MN1: variants seen among roughly 807,000 people sequenced by gnomAD.
The protein encoded by MN1 is MN1 proto-oncogene, transcriptional regulator.
MN1 carries 19 observed loss-of-function variants against 86.9 expected under a neutral mutation model. That is an observed-to-expected ratio of 0.22 (90% CI 0.15 to 0.32). The LOEUF (loss-of-function observed/expected upper bound fraction) is 0.32, where lower values mean the gene tolerates loss of function less well. Among genes scored for constraint, MN1 ranks in the 10% least tolerant of loss-of-function variants. The pLI is 1.00. For synonymous variants in MN1, 928 were observed against 849.6 expected (o/e 1.09, Z -1.60); for missense variants, 1,841 against 1,862.0 (o/e 0.99, Z 0.21).
chr22:27,778,835 C>A (rs775520542), intron 1 of MN1, among the ~76,000 whole-genome samples: 2 of 152,238 alleles, frequency 1.3e-5, no homozygotes, highest in African/African-American at 2.4e-5. Context: ...AAGCCTCACT[C>A]GGGTAGGACA....
intron 1 of MN1, among the ~76,000 whole-genome samples, chr22:27,779,824 T>G (rs1439939675): frequency 6.6e-6 from 1 of 152,128 alleles, no homozygotes; most frequent in African/African-American, 2.4e-5. Flanking sequence ...GCCTGTGCCT[T>G]CCTGTCGGGG....
In MN1 at chr22:27,799,784, C is replaced by A; in HGVS notation, c.760G>T (p.Gly254Trp). The change falls in exon 1 of 2, where the codon GGG becomes TGG. Residue 254 changes from glycine (G) to tryptophan (W), a missense_variant. Physicochemically the swap from Gly to Trp is radical, Grantham distance 184. Coordinates refer to ENST00000302326, the MANE Select transcript of MN1 (RefSeq NM_002430.3). ...CCCGCTGCATAATGAGGCAGCTGCCCTTCGGAGTCAGAGGGCGAAAACATG... is the reference window on the plus strand; with the variant it reads ...CCCGCTGCATAATGAGGCAGCTGCCATTCGGAGTCAGAGGGCGAAAACATG... ...FDMFSPSDSE[G>W]QLPHYAAGRQ... 6.3e-7 allele frequency: 1 copy of A among 1,593,920 alleles called. No individual in the cohort carries two copies. Among genetic ancestry groups the A allele is most frequent in the Non-Finnish European group, 8.6e-7 (1 of 1,168,946 alleles).
rs756370849 is a variant in MN1, at chr22:27,800,135, C to G, written c.409G>C (p.Gly137Arg). The G allele has an allele frequency of 6.4e-7, 1 of 1,559,250 alleles. No individual in the cohort carries two copies. Among genetic ancestry groups the G allele is most frequent in the Admixed American group, 1.9e-5 (1 of 51,902 alleles). ...CTGCCCAGGCCTCCGGCTGCGCCGCCGTAGCCGAGCAGGCGACCCCCGTGC... is the reference window on the plus strand; with the variant it reads ...CTGCCCAGGCCTCCGGCTGCGCCGCGGTAGCCGAGCAGGCGACCCCCGTGC... ...CLHGGRLLGYGGAAGGLGSQP... is the reference protein window; with the variant it reads ...CLHGGRLLGYRGAAGGLGSQP... The change falls in exon 1 of 2, where the codon GGC becomes CGC. Residue 137 changes from glycine (G) to arginine (R), a missense_variant. Gly to Arg is a moderately radical substitution (Grantham distance 125). Transcript: ENST00000302326.
Position 27,749,424 on chromosome 22 carries a change from T to C in MN1, c.*1491A>G, listed in dbSNP as rs535746042. 2.2e-5 allele frequency: 5 copies of C among 231,590 alleles called. No individual in the cohort carries two copies. Among genetic ancestry groups the C allele is most frequent in the African/African-American group, 1.1e-4 (5 of 45,322 alleles). 14.3% of individuals were successfully genotyped at this position (231,590 alleles called of 1,614,324 possible). A position where few individuals can be genotyped will look rare whatever the true frequency, so the allele number is the denominator to read the frequency against. Reference sequence around the variant, plus strand: ...ATAGATAACCATCACGGTTATATATTTGGGTGAAGTGATATCAGTTACTTC... The same window carrying C: ...ATAGATAACCATCACGGTTATATATCTGGGTGAAGTGATATCAGTTACTTC... On this transcript the variant is annotated 3_prime_UTR_variant, in exon 2 of 2. Coordinates refer to ENST00000302326, the MANE Select transcript of MN1 (RefSeq NM_002430.3).
intron 1 of MN1, among the ~76,000 whole-genome samples, chr22:27,770,530 C>T (rs1409750146): frequency 6.6e-6 from 1 of 152,220 alleles, no homozygotes; most frequent in East Asian, 1.9e-4. Context: ...GGGCCTCAGT[C>T]TCCCTGCAAT....
In MN1 at chr22:27,797,589, G is replaced by C; in HGVS notation, c.2955C>G (p.Ala985=). 1 of 1,598,246 alleles carries C rather than the reference G, an allele frequency of 6.3e-7. No individual in the cohort carries two copies. The highest frequency in any genetic ancestry group is 8.5e-7 in the Non-Finnish European group (1 of 1,171,954). The change falls in exon 1 of 2, where the codon GCC becomes GCG. Residue 985 remains alanine (A), a synonymous_variant. Transcript: ENST00000302326. The part of the protein sequence containing the change: ...SPGQQQASGA[A]VGGSSAGETR... ...TCTCGCCTGCGGAGCTTCCCCCGACGGCTGCGCCTGACGCTTGCTGCTGCC... is the reference window on the plus strand; with the variant it reads ...TCTCGCCTGCGGAGCTTCCCCCGACCGCTGCGCCTGACGCTTGCTGCTGCC...
rs1461337296 is a variant in MN1 at position 27,801,341 on chromosome 22, G to C, written c.-798C>G. 1.4e-5 allele frequency: 3 copies of C among 217,940 alleles called. No individual in the cohort carries two copies. Among genetic ancestry groups the C allele is most frequent in the East Asian group, 6.5e-5 (1 of 15,436 alleles). 13.5% of individuals were successfully genotyped at this position (217,940 alleles called of 1,614,324 possible). The stretch of plus-strand genomic sequence containing the variant: ...GCTCGGCAGCGGGTGCGCTGCGTTC[G>C]GCGCGCAGCTTCGCGGCCACGTCCG... On this transcript the variant is annotated 5_prime_UTR_variant, in exon 1 of 2. Coordinates refer to ENST00000302326, the MANE Select transcript of MN1 (RefSeq NM_002430.3).
intron 1 of MN1, among the ~76,000 whole-genome samples, chr22:27,786,616 G>A (rs932822289): frequency 6.6e-6 from 1 of 152,134 alleles, no homozygotes; most frequent in African/African-American, 2.4e-5. Context: ...AACTCTCAGG[G>A]TCGGAGAACC....
rs1933322079 is a variant in MN1 at position 27,797,488 on chromosome 22, C to T, written c.3056G>A (p.Gly1019Glu). Residue 1019 changes from glycine (G) to glutamate (E), a missense_variant, in exon 1 of 2, where the codon GGG (glycine) becomes GAG (glutamate). Gly to Glu is a moderately conservative substitution (Grantham distance 98, BLOSUM62 -2). Transcript: ENST00000302326. ...SWGKGAELLL[G>E]DQPDLIGSLD... ...GGACCCAATGAGGTCCGGCTGATCCCCCAGGAGCAACTCAGCCCCCTTCCC... is the reference window on the plus strand; with the variant it reads ...GGACCCAATGAGGTCCGGCTGATCCTCCAGGAGCAACTCAGCCCCCTTCCC... The T allele has an allele frequency of 1.2e-6, 2 of 1,600,014 alleles. No individual in the cohort carries two copies. The highest frequency in any genetic ancestry group is 1.3e-5 in the African/African-American group (1 of 74,634).
chr22:27,796,691 C>T (rs1028958516), intron 1 of MN1, 72 bp downstream of exon 1: 4 of 1,462,752 alleles, frequency 2.7e-6, no homozygotes, highest in East Asian at 2.3e-5. Flanking sequence ...CCCCAAAAGG[C>T]GAAGGCTAAG....
chr22:27,766,251 G>A (rs570675617), intron 1 of MN1, among the ~76,000 whole-genome samples: 1 of 152,216 alleles, frequency 6.6e-6, no homozygotes. Context: ...AAATTATCCT[G>A]TGGACTGCTG....
intron 1 of MN1, among the ~76,000 whole-genome samples, chr22:27,770,210 G>C (rs997954029): frequency 1.3e-5 from 2 of 152,224 alleles, no homozygotes; most frequent in Non-Finnish European, 2.9e-5. Context: ...TCAGCCACCA[G>C]GCAGGGCAAA....
intron 1 of MN1, among the ~76,000 whole-genome samples, chr22:27,769,570 T>TTTTTTTTTTTTTTTA (rs1568974122): frequency 1.4e-5 from 2 of 143,354 alleles, no homozygotes; most frequent in South Asian, 2.4e-4. Flanking sequence ...TTTTTTTTTT[T>TTTTTTTTTTTTTTTA]GAGACAGAGT....
chr22:27,798,906 C>CTGCTGT lies in MN1; in HGVS notation c.1632_1637dup (p.Gln549_Gln550dup), dbSNP rs202212250. 6.5e-5 allele frequency: 101 copies of CTGCTGT among 1,555,970 alleles called. No individual in the cohort carries two copies. The highest frequency in any genetic ancestry group is 3.5e-4 in the South Asian group (30 of 85,504). ...CCGCGTTTTGGCGCTGCTGCTGCTG[C>CTGCTGT]TGCTGTTGCTGTTGCTGTTGCTGCT... On this transcript the variant is annotated inframe_insertion, in exon 1 of 2. Transcript: ENST00000302326.
chr22:27,773,305 A>T (rs948289677), intron 1 of MN1, among the ~76,000 whole-genome samples: 1 of 152,190 alleles, frequency 6.6e-6, no homozygotes, highest in African/African-American at 2.4e-5. Flanking sequence ...CAATGAGTTC[A>T]TTTTACCACG....
In MN1 at chr22:27,798,192, G is replaced by T. The variant is rs760839712; in HGVS notation, c.2352C>A (p.Ala784=). 2 of 1,546,376 alleles carry T rather than the reference G, an allele frequency of 1.3e-6. No homozygotes were observed. The highest frequency in any genetic ancestry group is 4.6e-5 in the East Asian group (2 of 43,800). The change falls in exon 1 of 2, where the codon GCC becomes GCA. Residue 784 remains alanine (A), a synonymous_variant. Coordinates refer to ENST00000302326, the MANE Select transcript of MN1 (RefSeq NM_002430.3). ...GCTGGAAATCAGGCTGCGGCGGGTA[G>T]GCACCCCCGCCACCGCCGCCACCAG... ...GSSGGGGGGG[A]YPPQPDFQPS...
At chr22:27,789,387 G>A (rs953891692) in intron 1 of MN1, among the ~76,000 whole-genome samples, 5 of 152,168 alleles carry the variant, frequency 3.3e-5, no homozygotes, top group Non-Finnish European at 5.9e-5. Context: ...CCAAGAAACC[G>A]AGATAGACAG....
Position 27,799,053 on chromosome 22 carries a change from C to A in MN1, c.1491G>T (p.Glu497Asp). The A allele has an allele frequency of 6.2e-7, 1 of 1,611,348 alleles. No homozygotes were observed. Among genetic ancestry groups the A allele is most frequent in the Non-Finnish European group, 8.5e-7 (1 of 1,178,722 alleles). The change falls in exon 1 of 2, where the codon GAG becomes GAT. Residue 497 changes from glutamate (E) to aspartate (D), a missense_variant. Transcript: ENST00000302326. The part of the protein sequence containing the change: ...SPSAYPGLPG[E>D]FTPPVPDSFP... Reference sequence around the variant, plus strand: ...AGCTGTCGGGCACAGGCGGTGTGAACTCGCCGGGTAGGCCTGGGTAGGCGG... The same window carrying A: ...AGCTGTCGGGCACAGGCGGTGTGAAATCGCCGGGTAGGCCTGGGTAGGCGG...
intron 1 of MN1, among the ~76,000 whole-genome samples, chr22:27,754,272 G>A (rs1185020422): frequency 1.3e-5 from 2 of 152,188 alleles, no homozygotes; most frequent in Admixed American, 6.5e-5. Flanking sequence ...GTGCACTAAC[G>A]CCAGAAACCA....
Sources: gnomAD v4.1 joint callset for allele counts (sites outside exome capture counted in the v4.1 genomes callset) on GRCh38, gnomAD v4.1.1 for gene constraint, MANE v1.5 for transcripts, NCBI Gene and HGNC (gene_info 2026-07-23, HGNC 2026-07-21) for gene names.